SSRP1: variants seen among roughly 807,000 people sequenced by gnomAD.
SSRP1 encodes structure specific recognition protein 1.
In SSRP1, 21 loss-of-function variants were observed where a neutral mutation model predicts 84.4. That is an observed-to-expected ratio of 0.25 (90% confidence interval 0.18 to 0.36). The LOEUF (loss-of-function observed/expected upper bound fraction) is 0.36, where lower values mean the gene tolerates loss of function less well. Among genes scored for constraint, SSRP1 ranks in the 10% least tolerant of loss-of-function variants. The pLI, the probability that SSRP1 is intolerant of heterozygous loss-of-function variation, is 1.00. For missense variants in SSRP1, 519 were observed against 900.8 expected, an observed-to-expected ratio of 0.58 and a Z score of 5.43; for synonymous variants, 319 against 318.3, an observed-to-expected ratio of 1.00 and a Z score of -0.02.
chr11:57,334,668 A>G lies in SSRP1; in HGVS notation c.55-20T>C. The stretch of plus-strand genomic sequence containing the variant: ...ATCATTCTGTAAGAAAAGCAGGCCC[A>G]GATGCATGGAGACAGTACACAGCAT... On this transcript the variant is annotated intron_variant, in intron 2 of 16. Transcript: ENST00000278412. 3 of 1,612,994 alleles carry G rather than the reference A, an allele frequency of 1.9e-6. No homozygotes were observed. The highest frequency in any genetic ancestry group is 2.5e-6 in the Non-Finnish European group (3 of 1,179,656).
In SSRP1 at chr11:57,333,172, G is replaced by A. The variant is rs764369960; in HGVS notation, c.347-23C>T. On this transcript the variant is annotated intron_variant, in intron 4 of 16. Coordinates refer to ENST00000278412, the MANE Select transcript of SSRP1 (RefSeq NM_003146.3). ...GCCCTGTGAGGAAAGGGCTTATCCA[G>A]CCACAAGCTCCTCCCCTTAAGTCTG... 1.9e-6 allele frequency: 3 copies of A among 1,589,336 alleles called. No homozygotes were observed. The South Asian group carries it at 3.4e-5, about 18-fold the overall frequency.
chr11:57,327,734 C>G lies in SSRP1; in HGVS notation c.1760G>C (p.Gly587Ala). ...CACCTCTTTCTTCTCTTTGGACATT[C>G]CCTTCCAGATCTCGCCTGCCTTCTT... The part of the protein sequence containing the change: ...LSKKAGEIWK[G>A]MSKEKKEEWD... The change falls in exon 14 of 17, where the codon GGA becomes GCA. Residue 587 changes from glycine to alanine, a missense_variant. Gly to Ala is a moderately conservative substitution (Grantham distance 60, BLOSUM62 0). Transcript: ENST00000278412. 6.2e-7 allele frequency: 1 copy of G among 1,614,162 alleles called. No homozygotes were observed. The highest frequency in any genetic ancestry group is 1.6e-4 in the Middle Eastern group (1 of 6,062).
rs2134383142 is a variant in SSRP1 at position 57,326,115 on chromosome 11, A to G, written c.*292T>C. The stretch of plus-strand genomic sequence containing the variant: ...TGACCCCTGCTCCAGCAACTTGAAC[A>G]GGACAAGCAGCAGCTACATCCTTAA... On this transcript the variant is annotated 3_prime_UTR_variant, in exon 17 of 17. Coordinates refer to ENST00000278412, the MANE Select transcript of SSRP1 (RefSeq NM_003146.3). 2 of 437,754 alleles carry G rather than the reference A, an allele frequency of 4.6e-6. No homozygotes were observed. The highest frequency in any genetic ancestry group is 7.2e-5 in the East Asian group (2 of 27,622). 27.1% of individuals were successfully genotyped at this position (437,754 alleles called of 1,614,324 possible).
chr11:57,326,333 A>T lies in SSRP1; in HGVS notation c.*74T>A. On this transcript the variant is annotated 3_prime_UTR_variant, in exon 17 of 17. Transcript: ENST00000278412. The stretch of plus-strand genomic sequence containing the variant: ...TCCAGGGACTGCATTTCATGAGGAG[A>T]AACTGGTACCAAAATATGGGTGGGG... The T allele has an allele frequency of 7.0e-7, 1 of 1,422,968 alleles. No individual in the cohort carries two copies. The highest frequency in any genetic ancestry group is 9.9e-7 in the Non-Finnish European group (1 of 1,011,050). The allele number at this position is 1,422,968 out of a possible 1,614,324, so 88.1% of individuals were successfully genotyped here.
chr11:57,335,607 C>T lies in SSRP1; in HGVS notation c.-120+123G>A, dbSNP rs149065548. On this transcript the variant is annotated intron_variant, in intron 1 of 16. Coordinates refer to ENST00000278412, the MANE Select transcript of SSRP1 (RefSeq NM_003146.3). This position sits in a 1 kb window ranked among gnomAD's most constrained non-coding sequence, Gnocchi z 4.6. ...CCGCGGCCCCAGACCCACGGTTCAC[C>T]CCCGCCCCACATAATGGATTCGCCC... 2,337 of 177,552 alleles carry T rather than the reference C, an allele frequency of 0.013. 61 individuals are homozygous for T. The highest frequency in any genetic ancestry group is 0.051 in the African/African-American group (2,171 of 42,790). The allele number at this position is 177,552 out of a possible 1,614,324, so 11.0% of individuals were successfully genotyped here. A position where few individuals can be genotyped will look rare whatever the true frequency, so the allele number is the denominator to read the frequency against.
At position 57,335,235 on chromosome 11, in the gene SSRP1, G is replaced by A. The variant is rs1856187760; in HGVS notation, c.-114C>T. The A allele has an allele frequency of 9.3e-7, 1 of 1,076,114 alleles. No individual in the cohort carries two copies. The highest frequency in any genetic ancestry group is 1.4e-6 in the Non-Finnish European group (1 of 698,478). The allele number at this position is 1,076,114 out of a possible 1,614,324, so 66.7% of individuals were successfully genotyped here. A position where few individuals can be genotyped will look rare whatever the true frequency, so the allele number is the denominator to read the frequency against. On this transcript the variant is annotated 5_prime_UTR_variant, in exon 2 of 17. Transcript: ENST00000278412. The surrounding 1 kb of genome is among the most constrained non-coding windows in gnomAD (Gnocchi z 4.6). ...TGGGTGTGCGGATGCTCAGCAGGTT[G>A]GGAATCTGAATTCAAGAGGAAGACA...
Position 57,332,011 on chromosome 11 carries a change from C to CA in SSRP1, c.1002-123dup. The CA allele has an allele frequency of 6.6e-7, 1 of 1,515,192 alleles. No individual in the cohort carries two copies. The highest frequency in any genetic ancestry group is 9.0e-7 in the Non-Finnish European group (1 of 1,111,328). The allele number at this position is 1,515,192 out of a possible 1,614,324, so 93.9% of individuals were successfully genotyped here. ...AGTAAACCTCACTGAGCTGTTCTGA[C>CA]AGAGGCGCTGGCACCTATTGTGACA... On this transcript the variant is annotated intron_variant, in intron 8 of 16. Coordinates refer to ENST00000278412, the MANE Select transcript of SSRP1 (RefSeq NM_003146.3). The surrounding 1 kb of genome is among the most constrained non-coding windows in gnomAD (Gnocchi z 5.5).
chr11:57,326,975 C>T, intron 15 of SSRP1, 86 bp from the exon 16 acceptor site: 1 of 1,457,138 alleles, frequency 6.9e-7, no homozygotes, highest in Non-Finnish European at 9.0e-7. Context: ...CAAGGCCTTT[C>T]CCAATCCCAG....
Position 57,330,007 on chromosome 11 carries a change from G to A in SSRP1, c.1481+86C>T, listed in dbSNP as rs527600230. 2 of 1,532,934 alleles carry A rather than the reference G, an allele frequency of 1.3e-6. No homozygotes were observed. The highest frequency in any genetic ancestry group is 3.3e-5 in the Admixed American group (2 of 59,866). 95.0% of individuals were successfully genotyped at this position (1,532,934 alleles called of 1,614,324 possible). On this transcript the variant is annotated intron_variant, in intron 12 of 16. Transcript: ENST00000278412. This position sits in a 1 kb window ranked among gnomAD's most constrained non-coding sequence, Gnocchi z 4.0. ...CCATTCTGGGTCAGTAGCTAATGCT[G>A]GGACCTGAGAAATGTCCAGAAATCT...
At position 57,330,163 on chromosome 11, in the gene SSRP1, A is replaced by G. The variant is rs1856060685; in HGVS notation, c.1436-25T>C. 1 of 1,614,042 alleles carries G rather than the reference A, an allele frequency of 6.2e-7. No homozygotes were observed. Among genetic ancestry groups the G allele is most frequent in the African/African-American group, 1.3e-5 (1 of 74,912 alleles). ...TCTGAAAAAGGGCACAGGATGCATCAGCTTCTGCCCCAATGGAAATCCCCC... is the reference window on the plus strand; with the variant it reads ...TCTGAAAAAGGGCACAGGATGCATCGGCTTCTGCCCCAATGGAAATCCCCC... On this transcript the variant is annotated intron_variant, in intron 11 of 16. Coordinates refer to ENST00000278412, the MANE Select transcript of SSRP1 (RefSeq NM_003146.3). This position sits in a 1 kb window ranked among gnomAD's most constrained non-coding sequence, Gnocchi z 4.0.
At chr11:57,328,175 TA>T in intron 13 of SSRP1, 121 bp downstream of exon 13, 2 of 1,465,186 alleles carry the variant, frequency 1.4e-6, no homozygotes, top group Non-Finnish European at 9.2e-7. Context: ...TCACTGGCTA[TA>T]AAAAACAGCC....
At chr11:57,326,625 A>T in intron 16 of SSRP1, 78 bp downstream of exon 16, 1 of 1,553,490 alleles carries the variant, frequency 6.4e-7, no homozygotes. Flanking sequence ...CCAACTCATT[A>T]CTCTTACAGA....
Position 57,326,834 on chromosome 11 carries a change from G to A in SSRP1, c.1927C>T (p.Pro643Ser), listed in dbSNP as rs191760277. 9.9e-6 allele frequency: 16 copies of A among 1,614,112 alleles called. No homozygotes were observed. Among genetic ancestry groups the A allele is most frequent in the Non-Finnish European group, 1.1e-5 (13 of 1,180,002 alleles). The change falls in exon 16 of 17, where the codon CCC (proline) becomes TCC (serine). Residue 643 changes from proline (P) to serine (S), a missense_variant. This residue lies in a region of SSRP1 where 197 missense variants were observed against 265.0 expected (regional missense o/e 0.74). Coordinates refer to ENST00000278412, the MANE Select transcript of SSRP1 (RefSeq NM_003146.3). Reference protein sequence around the residue: ...VKVKMEKKSTPSRGSSSKSSS... With the variant: ...VKVKMEKKSTSSRGSSSKSSS... ...GACTTGGATGATGAGCCCCTAGAGGGCGTGGATTTCTTTTCCATCTTTACC... is the reference window on the plus strand; with the variant it reads ...GACTTGGATGATGAGCCCCTAGAGGACGTGGATTTCTTTTCCATCTTTACC...
intron 15 of SSRP1, 75 bp downstream of exon 15, chr11:57,327,351 G>A: frequency 6.9e-7 from 1 of 1,439,924 alleles, no homozygotes; most frequent in East Asian, 2.3e-5. Flanking sequence ...ACTTTCCAAT[G>A]CTCAACTTCG....
In SSRP1 at chr11:57,332,988, T is replaced by A; in HGVS notation, c.508A>T (p.Thr170Ser). 1.9e-6 allele frequency: 3 copies of A among 1,613,544 alleles called. No homozygotes were observed. Among genetic ancestry groups the A allele is most frequent in the Non-Finnish European group, 2.5e-6 (3 of 1,179,688 alleles). ...LMEVRFYVPPTQEDGVDPVEA... is the reference protein window; with the variant it reads ...LMEVRFYVPPSQEDGVDPVEA... Reference sequence around the variant, plus strand: ...ACAGGGTCCACACCATCCTCCTGGGTGGGTGGGACGTAGAAGCGCACCTCC... The same window carrying A: ...ACAGGGTCCACACCATCCTCCTGGGAGGGTGGGACGTAGAAGCGCACCTCC... The change falls in exon 5 of 17, where the codon ACC (threonine) becomes TCC (serine). Residue 170 changes from threonine to serine, a missense_variant. Thr to Ser is a moderately conservative substitution (Grantham distance 58). Around this residue, in one of 7 missense-constraint regions of SSRP1, gnomAD observed 159 missense variants for 359.0 expected, o/e 0.44. Coordinates refer to ENST00000278412, the MANE Select transcript of SSRP1 (RefSeq NM_003146.3). This position sits in a 1 kb window ranked among gnomAD's most constrained non-coding sequence, Gnocchi z 5.5.
rs62640921 is a variant in SSRP1 at position 57,335,421 on chromosome 11, C to T, written c.-119-181G>A. The T allele has an allele frequency of 6.1e-3, 2,262 of 368,980 alleles. 50 individuals carry two copies. Among genetic ancestry groups the T allele is most frequent in the African/African-American group, 0.043 (2,064 of 48,336 alleles). The allele number at this position is 368,980 out of a possible 1,614,324, so 22.9% of individuals were successfully genotyped here. ...TCCAGGCCTGGGTGGAGAACCGGGC[C>T]CGGAATACCGCTGACACCCAACCCG... On this transcript the variant is annotated intron_variant, in intron 1 of 16. Transcript: ENST00000278412. The surrounding 1 kb of genome is among the most constrained non-coding windows in gnomAD (Gnocchi z 4.6).
At position 57,334,667 on chromosome 11, in the gene SSRP1, C is replaced by G. The variant is rs200786302; in HGVS notation, c.55-19G>C. ...CATCATTCTGTAAGAAAAGCAGGCC[C>G]AGATGCATGGAGACAGTACACAGCA... On this transcript the variant is annotated intron_variant, in intron 2 of 16. Transcript: ENST00000278412. 3.4e-5 allele frequency: 55 copies of G among 1,613,024 alleles called. No individual in the cohort carries two copies. Among genetic ancestry groups the G allele is most frequent in the Non-Finnish European group, 2.1e-5 (25 of 1,179,720 alleles).
Position 57,331,000 on chromosome 11 carries a change from T to A in SSRP1, c.1224-73A>T. On this transcript the variant is annotated intron_variant, in intron 9 of 16. Transcript: ENST00000278412. The surrounding 1 kb of genome is among the most constrained non-coding windows in gnomAD (Gnocchi z 4.0). ...GGGGCACACTAAACAATGTTCTGAT[T>A]CCATGAGCTGGGGTAGACTGTGGAG... 1 of 1,539,124 alleles carries A rather than the reference T, an allele frequency of 6.5e-7. No individual in the cohort carries two copies. Among genetic ancestry groups the A allele is most frequent in the Non-Finnish European group, 9.0e-7 (1 of 1,113,930 alleles).
chr11:57,330,882 G>A lies in SSRP1; in HGVS notation c.1269C>T (p.Leu423=). Residue 423 remains leucine (L), a synonymous_variant, in exon 10 of 17, where the codon CTC becomes CTT. Transcript: ENST00000278412. The surrounding 1 kb of genome is among the most constrained non-coding windows in gnomAD (Gnocchi z 4.0). ...KLFDFVNAKK[L]NIKNRGLKEG... ...CTTTCAATCCTCGGTTTTTGATGTT[G>A]AGCTTTTTCGCGTTGACAAAATCAA... 7.4e-6 allele frequency: 12 copies of A among 1,614,216 alleles called. No homozygotes were observed. The highest frequency in any genetic ancestry group is 9.3e-6 in the Non-Finnish European group (11 of 1,180,028).
Sources: gnomAD v4.1 joint callset for allele counts on GRCh38, gnomAD v4.1.1 for gene constraint, gnomAD v4.1.1 regional missense constraint, Gnocchi (gnomAD v3.1) non-coding constraint, MANE v1.5 for transcripts, NCBI Gene and HGNC (gene_info 2026-07-23, HGNC 2026-07-21) for gene names.